Variants in EFCAB11 observed in about 807,000 individuals in gnomAD.
EFCAB11 encodes EF-hand calcium binding domain 11, also known as EF-hand calcium-binding domain-containing protein 11.
EFCAB11 carries 14 observed loss-of-function variants against 23.0 expected under a neutral mutation model. The observed-to-expected ratio is 0.61, with a 90% CI of 0.40 to 0.95. The LOEUF (loss-of-function observed/expected upper bound fraction) is 0.95, where lower values mean the gene tolerates loss of function less well. EFCAB11 is among the 40% of genes least tolerant of loss of function. The pLI, the probability that EFCAB11 is intolerant of heterozygous loss-of-function variation, is 0.00. For synonymous variants in EFCAB11, 65 were observed against 66.6 expected, an observed-to-expected ratio of 0.98 and a Z score of 0.11; for missense variants, 198 against 195.8, an observed-to-expected ratio of 1.01 and a Z score of -0.07.
intron 5 of EFCAB11, among the ~76,000 whole-genome samples, chr14:89,854,254 A>G (rs1481846550): frequency 1.3e-4 from 20 of 151,070 alleles, no homozygotes; most frequent in African/African-American, 4.9e-4. Context: ...TTAAAGAGGC[A>G]TTTAAGATTG....
chr14:89,905,150 A>G (rs561754324), intron 5 of EFCAB11, among the ~76,000 whole-genome samples: 1 of 152,320 alleles, frequency 6.6e-6, no homozygotes, highest in African/African-American at 2.4e-5. Flanking sequence ...TCCTATGAGT[A>G]CATGTGGTCC....
chr14:89,843,374 G>T (rs560825946), intron 5 of EFCAB11, among the ~76,000 whole-genome samples: 73 of 150,720 alleles, frequency 4.8e-4, no homozygotes, highest in Non-Finnish European at 8.9e-4. Flanking sequence ...AAAGTAAGAA[G>T]AATATCATGA....
chr14:89,852,090 C>T (rs1026904777), intron 5 of EFCAB11, among the ~76,000 whole-genome samples: 3 of 152,190 alleles, frequency 2.0e-5, no homozygotes, highest in African/African-American at 7.2e-5. Context: ...CAACACATCA[C>T]ACGTTTATTT....
chr14:89,953,230 A>G (rs1891248906), intron 2 of EFCAB11, among the ~76,000 whole-genome samples: 1 of 151,606 alleles, frequency 6.6e-6, no homozygotes, highest in South Asian at 2.1e-4. Context: ...AACCCCACCT[A>G]TATAACCCCA....
At chr14:89,928,074 A>G (rs1158942416) in intron 5 of EFCAB11, among the ~76,000 whole-genome samples, 1 of 152,174 alleles carries the variant, frequency 6.6e-6, no homozygotes, top group African/African-American at 2.4e-5. Flanking sequence ...ATAAAAATAC[A>G]GTTGAGAGTT....
intron 5 of EFCAB11, chr14:89,924,667 T>A (rs948529704): frequency 7.2e-6 from 11 of 1,535,796 alleles, no homozygotes; most frequent in Non-Finnish European, 8.7e-6. Flanking sequence ...AATCATGCAC[T>A]GAAAATGCCT....
chr14:89,861,098 C>A (rs147710170), intron 5 of EFCAB11, among the ~76,000 whole-genome samples: 1 of 152,346 alleles, frequency 6.6e-6, no homozygotes, highest in African/African-American at 2.4e-5. Flanking sequence ...CTCTTTGCTT[C>A]CATGAAACTG....
rs936116362 is a variant in EFCAB11, at chr14:89,796,357, A to C, written c.*886T>G. 2 of 152,128 alleles carry C rather than the reference A, an allele frequency of 1.3e-5. No individual in the cohort carries two copies. Among genetic ancestry groups the C allele is most frequent in the African/African-American group, 4.8e-5 (2 of 41,404 alleles). The allele number at this position is 152,128 out of a possible 1,614,324, so 9.4% of individuals were successfully genotyped here. A position where few individuals can be genotyped will look rare whatever the true frequency, so the allele number is the denominator to read the frequency against. On this transcript the variant is annotated 3_prime_UTR_variant, in exon 6 of 6. Coordinates refer to ENST00000316738, the MANE Select transcript of EFCAB11 (RefSeq NM_145231.4). ...GGTCTTGCTCTATCATCCAGGCTGG[A>C]GTGCGACAGTGCAATCATGGCTCAC...
At chr14:89,822,609 T>C (rs1230915392) in intron 5 of EFCAB11, among the ~76,000 whole-genome samples, 1 of 152,110 alleles carries the variant, frequency 6.6e-6, no homozygotes, top group Admixed American at 6.5e-5. Flanking sequence ...TCGGTGTCAT[T>C]TGAGTCTGGT....
intron 5 of EFCAB11, among the ~76,000 whole-genome samples, chr14:89,897,512 AT>A (rs1204069617): frequency 6.6e-6 from 1 of 152,132 alleles, no homozygotes; most frequent in Non-Finnish European, 1.5e-5. Context: ...AGCCGTGTGC[AT>A]GTATTTTTAA....
chr14:89,948,881 C>CA (rs371225329), intron 3 of EFCAB11, among the ~76,000 whole-genome samples: 6,821 of 112,974 alleles, frequency 0.06, 215 homozygotes, highest in Non-Finnish European at 0.084. Flanking sequence ...TTAATGGATA[C>CA]AAAAAAAAAA....
intron 5 of EFCAB11, among the ~76,000 whole-genome samples, chr14:89,879,704 C>T (rs1888544788): frequency 6.6e-6 from 1 of 152,146 alleles, no homozygotes; most frequent in Non-Finnish European, 1.5e-5. Flanking sequence ...CTGCTGGGCT[C>T]ATATAGACTC....
chr14:89,813,896 C>A (rs1028346885), intron 5 of EFCAB11, among the ~76,000 whole-genome samples: 1 of 152,124 alleles, frequency 6.6e-6, no homozygotes, highest in Non-Finnish European at 1.5e-5. Flanking sequence ...AACAACCGTG[C>A]TTGACTTCTG....
rs1891108888 is a variant in EFCAB11 at position 89,949,958 on chromosome 14, G to GC, written c.217+138dup. 4 of 900,628 alleles carry GC rather than the reference G, an allele frequency of 4.4e-6. No individual in the cohort carries two copies. In the South Asian group the frequency reaches 6.4e-5, roughly 14 times the overall value. The allele number at this position is 900,628 out of a possible 1,614,324, so 55.8% of individuals were successfully genotyped here. On this transcript the variant is annotated intron_variant, in intron 3 of 5. Transcript: ENST00000316738. Reference sequence around the variant, plus strand: ...CATGAGAACAACATGCGAAAAACCCGCCCCCATGATTCAGTTACCTTCCAC... The same window carrying GC: ...CATGAGAACAACATGCGAAAAACCCGCCCCCCATGATTCAGTTACCTTCCAC...
At chr14:89,951,419 A>G (rs181703995) in intron 2 of EFCAB11, among the ~76,000 whole-genome samples, 8 of 152,206 alleles carry the variant, frequency 5.3e-5, no homozygotes, top group Admixed American at 5.2e-4. Context: ...TGTTATAGTT[A>G]CCACTAGAAT....
intron 5 of EFCAB11, among the ~76,000 whole-genome samples, chr14:89,815,720 G>A (rs758749513): frequency 5.3e-5 from 8 of 152,174 alleles, no homozygotes; most frequent in East Asian, 1.9e-4. Flanking sequence ...CATCGCGCCC[G>A]GCCGAAATCC....
At chr14:89,924,363 C>G in intron 5 of EFCAB11, 1 of 1,143,482 alleles carries the variant, frequency 8.7e-7, no homozygotes, top group Non-Finnish European at 1.1e-6. Flanking sequence ...ATGTGGCAAT[C>G]TGCCTGTGCA....
chr14:89,919,204 CAGAGAGAGAG>C (rs61549850), intron 5 of EFCAB11, among the ~76,000 whole-genome samples: 4 of 147,652 alleles, frequency 2.7e-5, no homozygotes, highest in Non-Finnish European at 1.5e-5. Context: ...GAGAGAGAGA[CAGAGAGAGAG>C]AGAGAGAGAG....
intron 5 of EFCAB11, among the ~76,000 whole-genome samples, chr14:89,889,303 A>G (rs953354923): frequency 6.6e-6 from 1 of 152,248 alleles, no homozygotes; most frequent in Non-Finnish European, 1.5e-5. Flanking sequence ...ATTGGATAAA[A>G]TCATGGATTC....
Sources: gnomAD v4.1 joint callset for allele counts (sites outside exome capture counted in the v4.1 genomes callset) on GRCh38, gnomAD v4.1.1 for gene constraint, MANE v1.5 for transcripts, NCBI Gene and HGNC (gene_info 2026-07-23, HGNC 2026-07-21) for gene names.